Variants in USP54 observed in about 807,000 individuals in gnomAD.
USP54 encodes ubiquitin carboxyl-terminal hydrolase 54.
In USP54, 87 loss-of-function variants were observed where a neutral mutation model predicts 170.5. The observed-to-expected ratio is 0.51, with a 90% CI of 0.43 to 0.61. USP54 has a LOEUF of 0.61. Ranked by LOEUF, USP54 falls within the 20% of genes least tolerant of loss-of-function variation. USP54 has a pLI of 0.00. For missense variants in USP54, 1,786 were observed against 2,047.8 expected, an observed-to-expected ratio of 0.87 and a Z score of 2.47; for synonymous variants, 655 against 742.8, an observed-to-expected ratio of 0.88 and a Z score of 1.92.
chr10:73,548,101 A>G (rs2068280871), intron 4 of USP54, among the ~76,000 whole-genome samples: 1 of 152,236 alleles, frequency 6.6e-6, no homozygotes, highest in African/African-American at 2.4e-5. Flanking sequence ...AAAAGAAGAC[A>G]TTTATGCAGC....
At chr10:73,624,158 CCATATATATATATATATA>C (rs1191090283) in intron 1 of USP54, among the ~76,000 whole-genome samples, 2 of 33,008 alleles carry the variant, frequency 6.1e-5, no homozygotes, top group Non-Finnish European at 1.3e-4. Flanking sequence ...TTTTTAAAAG[CCATATATATATATATATA>C]TATATATATA....
intron 1 of USP54, among the ~76,000 whole-genome samples, chr10:73,576,890 C>T (rs1323116861): frequency 6.6e-6 from 1 of 152,216 alleles, no homozygotes; most frequent in African/African-American, 2.4e-5. Flanking sequence ...CCTTAACATG[C>T]AGTCCAAGAG....
intron 1 of USP54, among the ~76,000 whole-genome samples, chr10:73,603,649 G>A (rs2079377649): frequency 6.6e-6 from 1 of 152,048 alleles, no homozygotes; most frequent in African/African-American, 2.4e-5. Context: ...TTGGGAAGCT[G>A]AGGCAGGAGA....
chr10:73,585,680 T>C (rs2077397460), intron 1 of USP54, among the ~76,000 whole-genome samples: 1 of 152,228 alleles, frequency 6.6e-6, no homozygotes, highest in Non-Finnish European at 1.5e-5. Flanking sequence ...ATGTTCATGA[T>C]TGTGATTTTT....
intron 1 of USP54, among the ~76,000 whole-genome samples, chr10:73,617,909 T>C (rs2080775034): frequency 6.8e-6 from 1 of 147,056 alleles, no homozygotes; most frequent in Non-Finnish European, 1.5e-5. Flanking sequence ...TCTTAAGAAA[T>C]AAAAATAAAA....
intron 1 of USP54, among the ~76,000 whole-genome samples, chr10:73,580,269 A>C (rs1321059693): frequency 6.6e-6 from 1 of 150,714 alleles, no homozygotes; most frequent in Non-Finnish European, 1.5e-5. Flanking sequence ...CAGTGAGCCG[A>C]GATCAAGCCA....
intron 1 of USP54, among the ~76,000 whole-genome samples, chr10:73,619,803 G>C (rs1248663415): frequency 6.6e-6 from 1 of 150,660 alleles, no homozygotes; most frequent in Non-Finnish European, 1.5e-5. Context: ...TATAAGTACA[G>C]TTTAAGGTAA....
At chr10:73,537,442 C>A (rs570067818) in intron 10 of USP54, among the ~76,000 whole-genome samples, 2 of 152,194 alleles carry the variant, frequency 1.3e-5, no homozygotes, top group East Asian at 1.9e-4. Flanking sequence ...TATCTGCTAA[C>A]CTTATCACAA....
chr10:73,564,765 C>T (rs2133741311), intron 4 of USP54, among the ~76,000 whole-genome samples: 1 of 152,132 alleles, frequency 6.6e-6, no homozygotes, highest in Middle Eastern at 3.4e-3. Context: ...TTCCCTCTGG[C>T]TTAGCAACTA....
At chr10:73,566,225 C>T (rs904387173) in intron 4 of USP54, among the ~76,000 whole-genome samples, 3 of 151,178 alleles carry the variant, frequency 2.0e-5, no homozygotes, top group South Asian at 2.1e-4. Flanking sequence ...AGTGAAACTC[C>T]GTCTCAAAAA....
rs553842248 is a variant in USP54 at position 73,520,102 on chromosome 10, T to C, written c.2483-110A>G. On this transcript the variant is annotated intron_variant, in intron 18 of 23. Coordinates refer to ENST00000687698, the MANE Select transcript of USP54 (RefSeq NM_001391956.1). ...AAGATATGCAGTAAAACTCAAAATATGTAGCAGGAACGCAAGGCATGGACC... is the reference window on the plus strand; with the variant it reads ...AAGATATGCAGTAAAACTCAAAATACGTAGCAGGAACGCAAGGCATGGACC... The C allele has an allele frequency of 3.2e-4, 465 of 1,457,668 alleles. 2 individuals carry two copies. The African/African-American group carries it at 5.8e-3, about 18-fold the overall frequency. The allele number at this position is 1,457,668 out of a possible 1,614,324, so 90.3% of individuals were successfully genotyped here.
chr10:73,522,341 A>G (rs1031948292), intron 17 of USP54, among the ~76,000 whole-genome samples: 51 of 152,366 alleles, frequency 3.3e-4, no homozygotes, highest in African/African-American at 1.2e-3. Context: ...TCTCTACTCT[A>G]TGGAGATCTA....
At chr10:73,520,014 A>G in intron 18 of USP54, 22 bp from the exon 19 acceptor site, 1 of 1,567,312 alleles carries the variant, frequency 6.4e-7, no homozygotes. Context: ...AAGAAAATAT[A>G]GCAGAAACAG....
chr10:73,505,408 C>T lies in USP54; in HGVS notation c.4070G>A (p.Gly1357Glu). Residue 1357 changes from glycine to glutamate, a missense_variant, in exon 21 of 24, where the codon GGG (glycine) becomes GAG (glutamate). Gly to Glu is a moderately conservative substitution (Grantham distance 98, BLOSUM62 -2). Transcript: ENST00000687698. ...ATCATGGGCTGAGTGCAACCTCCTC[C>T]CCATGCCATCTGCAGAGCCTGAAGA... Reference protein sequence around the residue: ...LSQTGSADGMGRRLHSAHDPG... With the variant: ...LSQTGSADGMERRLHSAHDPG... The T allele has an allele frequency of 6.2e-7, 1 of 1,614,052 alleles. No individual in the cohort carries two copies. Among genetic ancestry groups the T allele is most frequent in the Non-Finnish European group, 8.5e-7 (1 of 1,179,984 alleles).
At chr10:73,592,721 A>G (rs2078367734), upstream of USP54, among the ~76,000 whole-genome samples, 1 of 152,226 alleles carries the variant, frequency 6.6e-6, no homozygotes, top group South Asian at 2.1e-4. Context: ...AAACTAGAGT[A>G]CTGGGACAGA....
At chr10:73,500,859 A>G (rs1321036818) in intron 22 of USP54, 21 bp from the exon 23 acceptor site, 3 of 1,586,448 alleles carry the variant, frequency 1.9e-6, no homozygotes, top group African/African-American at 1.4e-5. Flanking sequence ...GACAAGACAA[A>G]AAAACATAGA....
intron 1 of USP54, among the ~76,000 whole-genome samples, chr10:73,587,939 G>A (rs1362484683): frequency 2.0e-5 from 3 of 152,072 alleles, no homozygotes; most frequent in Non-Finnish European, 2.9e-5. Flanking sequence ...CTGCTGAAAG[G>A]ATGCAACAAA....
chr10:73,601,677 C>T (rs767644130), intron 1 of USP54, among the ~76,000 whole-genome samples: 4 of 152,108 alleles, frequency 2.6e-5, no homozygotes, highest in Non-Finnish European at 4.4e-5. Context: ...CAAGAAGCTG[C>T]CCCTCCTCCA....
chr10:73,554,837 A>AAC (rs2070554148), intron 4 of USP54, among the ~76,000 whole-genome samples: 1 of 152,232 alleles, frequency 6.6e-6, no homozygotes, highest in Non-Finnish European at 1.5e-5. Context: ...ACATGACCAT[A>AAC]AGGCTGGGCA....
Sources: allele counts gnomAD v4.1 joint callset (sites outside exome capture counted in the v4.1 genomes callset), GRCh38; gene constraint gnomAD v4.1.1; transcripts MANE v1.5; gene names NCBI Gene and HGNC (gene_info 2026-07-23, HGNC 2026-07-21).